SLC35F4: variants seen among roughly 807,000 people sequenced by gnomAD.
SLC35F4 encodes solute carrier family 35 member F4.
A neutral mutation model predicts 44.2 loss-of-function variants in SLC35F4; 24 were observed. The ratio of observed to expected loss-of-function variants is 0.54; its 90% CI spans 0.39 to 0.76. The LOEUF (loss-of-function observed/expected upper bound fraction) is 0.76. SLC35F4 is among the 30% of genes least tolerant of loss of function. SLC35F4 has a pLI of 0.00. For synonymous variants in SLC35F4, 238 were observed against 223.6 expected (o/e 1.06, Z -0.57); for missense variants, 562 against 586.1 (o/e 0.96, Z 0.42).
chr14:57,698,849 C>G (rs183102271), intron 1 of SLC35F4, among the ~76,000 whole-genome samples: 36 of 152,230 alleles, frequency 2.4e-4, no homozygotes, highest in African/African-American at 8.4e-4. Context: ...TGGTCTCAAA[C>G]TCCTGACCTC....
At chr14:57,904,372 G>T (rs1326419429) in intron 1 of SLC35F4, among the ~76,000 whole-genome samples, 1 of 152,158 alleles carries the variant, frequency 6.6e-6, no homozygotes, top group Non-Finnish European at 1.5e-5. Flanking sequence ...ATCCATAAAG[G>T]AAGCAAACGG....
intron 1 of SLC35F4, among the ~76,000 whole-genome samples, chr14:57,735,060 C>T (rs1253852451): frequency 6.6e-6 from 1 of 152,072 alleles, no homozygotes; most frequent in Non-Finnish European, 1.5e-5. Flanking sequence ...ATTCCTGCCA[C>T]ATGACAAGTA....
At chr14:57,817,175 G>A (rs965866299) in intron 1 of SLC35F4, among the ~76,000 whole-genome samples, 2 of 152,166 alleles carry the variant, frequency 1.3e-5, no homozygotes, top group African/African-American at 4.8e-5. Flanking sequence ...GGGGGAATGC[G>A]AATTATAAGG....
intron 1 of SLC35F4, among the ~76,000 whole-genome samples, chr14:57,759,107 T>C (rs1159427290): frequency 1.3e-5 from 2 of 152,246 alleles, no homozygotes; most frequent in East Asian, 1.9e-4. Context: ...TGCATGTTTA[T>C]ATCATATTTT....
intron 1 of SLC35F4, among the ~76,000 whole-genome samples, chr14:57,827,326 C>A (rs1449484268): frequency 1.3e-5 from 2 of 151,898 alleles, no homozygotes; most frequent in African/African-American, 4.8e-5. Flanking sequence ...GGGAGGGGAA[C>A]AACACACACT....
chr14:57,807,488 C>G (rs1881466989), intron 1 of SLC35F4, among the ~76,000 whole-genome samples: 1 of 151,940 alleles, frequency 6.6e-6, no homozygotes, highest in African/African-American at 2.4e-5. Context: ...AGAAACCAAG[C>G]CTCTTTGAGC....
At chr14:57,750,051 C>T (rs1388360768) in intron 1 of SLC35F4, among the ~76,000 whole-genome samples, 2 of 152,146 alleles carry the variant, frequency 1.3e-5, no homozygotes, top group African/African-American at 4.8e-5. Context: ...CTCATCTCCT[C>T]ACCCTGAGTC....
chr14:57,934,360 C>G (rs868385893), intron 1 of SLC35F4, among the ~76,000 whole-genome samples: 3 of 147,200 alleles, frequency 2.0e-5, no homozygotes, highest in Non-Finnish European at 4.5e-5. Flanking sequence ...GTAAAATAAG[C>G]AAGCATACTA....
chr14:57,843,955 C>A (rs570663127), intron 1 of SLC35F4, among the ~76,000 whole-genome samples: 1 of 152,114 alleles, frequency 6.6e-6, no homozygotes, highest in Non-Finnish European at 1.5e-5. Context: ...CTTTACTGAG[C>A]TTTGCTACAT....
chr14:57,813,338 C>T (rs1371528904), intron 1 of SLC35F4, among the ~76,000 whole-genome samples: 1 of 152,064 alleles, frequency 6.6e-6, no homozygotes, highest in Non-Finnish European at 1.5e-5. Flanking sequence ...GCCTGTAATC[C>T]CAGCACTTTG....
At chr14:57,797,439 C>A (rs1324776110) in intron 1 of SLC35F4, among the ~76,000 whole-genome samples, 1 of 152,186 alleles carries the variant, frequency 6.6e-6, no homozygotes, top group Non-Finnish European at 1.5e-5. Flanking sequence ...ATGTCCTCAT[C>A]CCCGCTTTGC....
intron 4 of SLC35F4, among the ~76,000 whole-genome samples, chr14:57,576,589 TTC>T (rs537729145): frequency 5.5e-4 from 84 of 152,298 alleles, no homozygotes; most frequent in South Asian, 2.1e-3. Flanking sequence ...ATGGAAAACT[TTC>T]TTTTTTACTC....
At chr14:57,634,251 T>C (rs772495962) in intron 1 of SLC35F4, among the ~76,000 whole-genome samples, 10 of 152,102 alleles carry the variant, frequency 6.6e-5, no homozygotes, top group Non-Finnish European at 1.0e-4. Context: ...ATGTAAGTTG[T>C]GATAAGTGCG....
intron 1 of SLC35F4, among the ~76,000 whole-genome samples, chr14:57,923,077 G>A (rs1889473416): frequency 6.6e-6 from 1 of 152,134 alleles, no homozygotes; most frequent in Non-Finnish European, 1.5e-5. Flanking sequence ...GAGAACAGTG[G>A]CTTAGAAAGG....
intron 1 of SLC35F4, among the ~76,000 whole-genome samples, chr14:57,838,421 A>C (rs76187107): frequency 0.011 from 1,602 of 152,326 alleles, 23 homozygotes; most frequent in African/African-American, 0.036. Context: ...TTCAACAAAA[A>C]CTTTGTGATC....
chr14:57,700,831 G>C (rs2075518364), intron 1 of SLC35F4, among the ~76,000 whole-genome samples: 1 of 152,144 alleles, frequency 6.6e-6, no homozygotes, highest in Non-Finnish European at 1.5e-5. Context: ...CCTGAGCCTA[G>C]GGAGGCAGGT....
In SLC35F4 at chr14:57,641,626, A is replaced by G. The variant is rs80121827; in HGVS notation, c.104-47502T>C. Among the ~76,000 whole-genome samples, 13 of 152,148 alleles carry G rather than the reference A, an allele frequency of 8.5e-5. No homozygotes were observed. The East Asian group carries it at 2.5e-3, about 29-fold the overall frequency. On this transcript the variant is annotated intron_variant, in intron 1 of 7. Coordinates refer to ENST00000556826, the MANE Select transcript of SLC35F4 (RefSeq NM_001306087.2). The stretch of plus-strand genomic sequence containing the variant: ...TCTACTAGAAAATGATTCATGCTGT[A>G]ATGCTTTTAAATGACAATGTTTCAT...
rs923383553 is a variant in SLC35F4, at chr14:57,632,414, C to T, written c.104-38290G>A. Among the ~76,000 whole-genome samples the T allele has an allele frequency of 3.3e-5, 5 of 151,950 alleles. 1 individual carries two copies. The highest frequency in any genetic ancestry group is 1.3e-4 in the Admixed American group (2 of 15,232). On this transcript the variant is annotated intron_variant, in intron 1 of 7. Coordinates refer to ENST00000556826, the MANE Select transcript of SLC35F4 (RefSeq NM_001306087.2). ...AGTAGATGAGGAGTCACAGGGAGAG[C>T]TCACAGGAGGTAAAGAAAGACAGGC...
intron 1 of SLC35F4, among the ~76,000 whole-genome samples, chr14:57,739,152 A>G (rs2076542063): frequency 6.6e-6 from 1 of 152,116 alleles, no homozygotes; most frequent in Non-Finnish European, 1.5e-5. Context: ...CAGGGCTCAG[A>G]ACAGTCTTGG....
Sources: allele counts gnomAD v4.1 joint callset (sites outside exome capture counted in the v4.1 genomes callset), GRCh38; gene constraint gnomAD v4.1.1; transcripts MANE v1.5; gene names NCBI Gene and HGNC (gene_info 2026-07-23, HGNC 2026-07-21).